The following PVT1 variants were observed in gnomAD, a reference collection of about 807,000 sequenced individuals.
The protein encoded by PVT1 is CXCR4/PVT1 fusion.
chr8:127,815,176 A>G (rs1490368626), intron 2 of PVT1, among the ~76,000 whole-genome samples: 5 of 152,258 alleles, frequency 3.3e-5, no homozygotes, highest in Non-Finnish European at 7.4e-5. Context: ...CATGTTGGCC[A>G]GGCTGGTCTC....
chr8:127,806,035 T>C (rs1308143098), intron 2 of PVT1, among the ~76,000 whole-genome samples: 7 of 152,174 alleles, frequency 4.6e-5, no homozygotes, highest in African/African-American at 1.7e-4. Context: ...TTAGAAGATA[T>C]TTGCAATATT....
intron 3 of PVT1, among the ~76,000 whole-genome samples, chr8:127,921,362 T>G (rs1387028320): frequency 4.6e-5 from 7 of 151,004 alleles, no homozygotes; most frequent in Admixed American, 3.9e-4. Flanking sequence ...TTAAGAGAGG[T>G]CTTCGAAAGG....
chr8:128,089,809 C>G (rs1396952800), intron 5 of PVT1, among the ~76,000 whole-genome samples: 2 of 152,152 alleles, frequency 1.3e-5, no homozygotes, highest in African/African-American at 4.8e-5. Flanking sequence ...GGGAAAACAA[C>G]AGGATCCTAT....
At chr8:128,028,108 G>A (rs16902569) in intron 4 of PVT1, among the ~76,000 whole-genome samples, 1,745 of 152,350 alleles carry the variant, frequency 0.011, 29 homozygotes, top group African/African-American at 0.04. Flanking sequence ...CAGCCACCTC[G>A]GTTTCAGGCC....
chr8:128,090,745 C>T (rs1488314533), intron 5 of PVT1, among the ~76,000 whole-genome samples: 1 of 152,092 alleles, frequency 6.6e-6, no homozygotes, highest in Non-Finnish European at 1.5e-5. Flanking sequence ...CCTGGGGTCC[C>T]CACTATACCA....
At chr8:127,885,238 GC>G (rs976449806) in intron 2 of PVT1, among the ~76,000 whole-genome samples, 6 of 152,102 alleles carry the variant, frequency 3.9e-5, no homozygotes, top group African/African-American at 1.2e-4. Flanking sequence ...ACTTGCAGGA[GC>G]CTCTTCCATT....
At chr8:127,839,525 G>A (rs1754229132) in intron 2 of PVT1, among the ~76,000 whole-genome samples, 1 of 150,182 alleles carries the variant, frequency 6.7e-6, no homozygotes, top group Non-Finnish European at 1.5e-5. Flanking sequence ...ACTCCAGCCT[G>A]GGTGAGAGAG....
intron 3 of PVT1, among the ~76,000 whole-genome samples, chr8:127,956,432 G>A (rs368368433): frequency 1.8e-4 from 28 of 152,376 alleles, no homozygotes; most frequent in African/African-American, 4.8e-4. Flanking sequence ...TCCAGGTTCC[G>A]TGGTGAAGGG....
intron 4 of PVT1, among the ~76,000 whole-genome samples, chr8:128,004,332 A>T (rs1817221061): frequency 6.6e-6 from 1 of 152,068 alleles, no homozygotes; most frequent in Admixed American, 6.5e-5. Context: ...AGAACTATGG[A>T]TTTACTGGGT....
intron 3 of PVT1, among the ~76,000 whole-genome samples, chr8:127,975,226 C>A (rs1323179198): frequency 6.6e-6 from 1 of 152,212 alleles, no homozygotes; most frequent in Non-Finnish European, 1.5e-5. Flanking sequence ...TCTTGTCCCA[C>A]ATTGCCAAAT....
chr8:127,857,133 G>A (rs893282965), intron 2 of PVT1, among the ~76,000 whole-genome samples: 4 of 152,186 alleles, frequency 2.6e-5, no homozygotes, highest in African/African-American at 9.7e-5. Context: ...TGCTGAGGCA[G>A]GAGAATTGCT....
chr8:127,924,885 C>T (rs1225448445), intron 3 of PVT1, among the ~76,000 whole-genome samples: 4 of 151,744 alleles, frequency 2.6e-5, no homozygotes, highest in Admixed American at 6.6e-5. Context: ...TGGCCTTAAG[C>T]GATCCACCCA....
At chr8:127,967,607 C>T (rs1250690442) in intron 3 of PVT1, among the ~76,000 whole-genome samples, 1 of 152,206 alleles carries the variant, frequency 6.6e-6, no homozygotes, top group Admixed American at 6.5e-5. Flanking sequence ...AGAATAAGGC[C>T]TCGTCAGGAA....
chr8:128,081,713 T>C (rs1814182030), intron 5 of PVT1, among the ~76,000 whole-genome samples: 1 of 152,158 alleles, frequency 6.6e-6, no homozygotes, highest in African/African-American at 2.4e-5. Context: ...AGTTGCTGAA[T>C]TAGTGTCCAC....
At chr8:127,998,811 C>T (rs1478675238) in intron 4 of PVT1, among the ~76,000 whole-genome samples, 1 of 129,046 alleles carries the variant, frequency 7.7e-6, no homozygotes, top group African/African-American at 2.9e-5. Context: ...TTCCTCTTCT[C>T]CTCCTCCCCT....
chr8:127,796,972 A>G (rs1479632074), intron 2 of PVT1, among the ~76,000 whole-genome samples: 1 of 143,808 alleles, frequency 7.0e-6, no homozygotes, highest in South Asian at 2.2e-4. Context: ...TCCGCCTCCC[A>G]GGTTCAAGCG....
chr8:127,985,155 C>G (rs1816950680), intron 3 of PVT1, among the ~76,000 whole-genome samples: 1 of 151,462 alleles, frequency 6.6e-6, no homozygotes, highest in Non-Finnish European at 1.5e-5. Flanking sequence ...TGCCTCAACT[C>G]CCCGAGTAGC....
At chr8:127,863,077 GT>G (rs1176370222) in intron 2 of PVT1, among the ~76,000 whole-genome samples, 1 of 132,502 alleles carries the variant, frequency 7.5e-6, no homozygotes, top group Non-Finnish European at 1.7e-5. Context: ...GCAGTTGCTA[GT>G]TTTATTTATT....
chr8:127,831,153 C>T (rs374505577), intron 2 of PVT1, among the ~76,000 whole-genome samples: 3 of 147,996 alleles, frequency 2.0e-5, no homozygotes, highest in Non-Finnish European at 4.5e-5. Flanking sequence ...CTCTCTCTCT[C>T]TCTATATATA....
Sources: allele counts gnomAD v4.1 joint callset (sites outside exome capture counted in the v4.1 genomes callset), GRCh38; gene constraint gnomAD v4.1.1; transcripts MANE v1.5; gene names NCBI Gene and HGNC (gene_info 2026-07-23, HGNC 2026-07-21).